Variants in NWD2 observed in about 807,000 individuals in gnomAD.
NWD2 encodes NACHT and WD repeat domain containing 2, also known as NACHT and WD repeat domain-containing protein 2.
Under a neutral mutation model 132.7 loss-of-function variants are expected in NWD2, and 37 were observed. That is an observed-to-expected ratio of 0.28 (90% CI 0.21 to 0.37). NWD2 has a LOEUF of 0.37. Ranked by LOEUF, NWD2 falls within the 10% of genes least tolerant of loss-of-function variation. The probability of loss-of-function intolerance (pLI) is 1.00; values close to 1 mark genes in which losing one functional copy is unlikely to be tolerated. For synonymous variants in NWD2, 705 were observed against 803.0 expected, an observed-to-expected ratio of 0.88 and a Z score of 2.06; for missense variants, 1,592 against 2,122.4, an observed-to-expected ratio of 0.75 and a Z score of 4.91.
intron 3 of NWD2, among the ~76,000 whole-genome samples, chr4:37,358,357 G>A (rs1255651841): frequency 6.6e-6 from 1 of 151,248 alleles, no homozygotes; most frequent in Admixed American, 6.6e-5. Context: ...GTTTGGGGGG[G>A]TTGGGGGAAC....
At chr4:37,331,714 A>C (rs992526139) in intron 2 of NWD2, among the ~76,000 whole-genome samples, 1 of 152,226 alleles carries the variant, frequency 6.6e-6, no homozygotes, top group Non-Finnish European at 1.5e-5. Flanking sequence ...ATAGCATGAG[A>C]ACCAAAAATC....
At chr4:37,283,956 A>G (rs1718177175) in intron 1 of NWD2, among the ~76,000 whole-genome samples, 1 of 152,238 alleles carries the variant, frequency 6.6e-6, no homozygotes, top group Admixed American at 6.5e-5. Flanking sequence ...CAGTTGAAAT[A>G]CTGAAAACAT....
intron 2 of NWD2, among the ~76,000 whole-genome samples, chr4:37,327,752 A>G (rs1719202576): frequency 6.6e-6 from 1 of 152,046 alleles, no homozygotes; most frequent in Non-Finnish European, 1.5e-5. Flanking sequence ...ATCACTCCCT[A>G]AGGATATATT....
chr4:37,268,768 A>G (rs928023678), intron 1 of NWD2, among the ~76,000 whole-genome samples: 5 of 151,732 alleles, frequency 3.3e-5, no homozygotes, highest in Admixed American at 6.6e-5. Flanking sequence ...TGGCAGCTGT[A>G]TATATAATGA....
intron 3 of NWD2, among the ~76,000 whole-genome samples, chr4:37,422,592 A>G (rs76354162): frequency 0.033 from 5,074 of 152,286 alleles, 121 homozygotes; most frequent in Middle Eastern, 0.061. Context: ...ATGTATTAGT[A>G]TGCCATATAT....
intron 3 of NWD2, among the ~76,000 whole-genome samples, chr4:37,358,910 A>G (rs1719922443): frequency 6.6e-6 from 1 of 152,204 alleles, no homozygotes; most frequent in Non-Finnish European, 1.5e-5. Context: ...GAAGAGACTC[A>G]AATATTGGAA....
At chr4:37,342,820 T>A (rs181417935) in intron 2 of NWD2, among the ~76,000 whole-genome samples, 8 of 152,322 alleles carry the variant, frequency 5.3e-5, no homozygotes, top group Admixed American at 4.6e-4. Context: ...AGGCTTTCGA[T>A]GAAGCATCAT....
chr4:37,386,267 TACAC>T (rs35363059), intron 3 of NWD2, among the ~76,000 whole-genome samples: 5 of 150,556 alleles, frequency 3.3e-5, no homozygotes, highest in African/African-American at 7.3e-5. Flanking sequence ...TAAACTACAG[TACAC>T]ACACACACAC....
At chr4:37,385,340 T>C (rs996001998) in intron 3 of NWD2, among the ~76,000 whole-genome samples, 2 of 152,272 alleles carry the variant, frequency 1.3e-5, no homozygotes, top group East Asian at 3.9e-4. Context: ...TAAAAAATCA[T>C]CTTTTCTGTG....
At chr4:37,292,294 G>A (rs1008180033) in intron 1 of NWD2, among the ~76,000 whole-genome samples, 2 of 152,130 alleles carry the variant, frequency 1.3e-5, no homozygotes, top group South Asian at 2.1e-4. Flanking sequence ...GCCTTGAGGG[G>A]ATGATTAAGT....
chr4:37,264,025 A>C (rs1401040782), intron 1 of NWD2, among the ~76,000 whole-genome samples: 1 of 152,152 alleles, frequency 6.6e-6, no homozygotes, highest in Admixed American at 6.6e-5. Context: ...GATTTCTGAG[A>C]GGGACAACAA....
chr4:37,313,772 C>T (rs552172618), intron 1 of NWD2, among the ~76,000 whole-genome samples: 1 of 151,196 alleles, frequency 6.6e-6, no homozygotes, highest in African/African-American at 2.5e-5. Flanking sequence ...GATCTCAGCT[C>T]ACTGCAACCT....
chr4:37,328,536 T>C (rs1719223054), intron 2 of NWD2, among the ~76,000 whole-genome samples: 1 of 152,108 alleles, frequency 6.6e-6, no homozygotes, highest in South Asian at 2.1e-4. Flanking sequence ...AGAATGATGG[T>C]TTCCAGCTTC....
intron 1 of NWD2, among the ~76,000 whole-genome samples, chr4:37,257,768 C>T (rs1339202527): frequency 1.3e-5 from 2 of 152,148 alleles, no homozygotes; most frequent in Non-Finnish European, 2.9e-5. Flanking sequence ...GATTTAATTA[C>T]ATGAATTCAG....
chr4:37,335,069 C>T lies in NWD2; in HGVS notation c.240+9045C>T, dbSNP rs578155598. ...TGGTTCATCCTCCACAATGTTGCTA[C>T]GGTGGTATTTTTAAACACCAATCTG... On this transcript the variant is annotated intron_variant, in intron 2 of 6. Coordinates refer to ENST00000309447, the MANE Select transcript of NWD2 (RefSeq NM_001144990.2). Among the ~76,000 whole-genome samples, 15 of 152,244 alleles carry T rather than the reference C, an allele frequency of 9.9e-5. 1 individual carries two copies. Among genetic ancestry groups the T allele is most frequent in the Admixed American group, 1.3e-4 (2 of 15,300 alleles).
intron 5 of NWD2, among the ~76,000 whole-genome samples, chr4:37,438,580 TG>T (rs1712389020): frequency 6.6e-6 from 1 of 152,202 alleles, no homozygotes; most frequent in South Asian, 2.1e-4. Flanking sequence ...TTCCTAAACT[TG>T]GGGAGAAAAT....
At chr4:37,284,155 A>T (rs1718180644) in intron 1 of NWD2, among the ~76,000 whole-genome samples, 1 of 152,136 alleles carries the variant, frequency 6.6e-6, no homozygotes, top group South Asian at 2.1e-4. Context: ...GGGAAATCAA[A>T]TATCAAGGTG....
intron 3 of NWD2, among the ~76,000 whole-genome samples, chr4:37,387,670 C>CTT (rs34665816): frequency 9.0e-4 from 80 of 88,682 alleles, no homozygotes; most frequent in East Asian, 1.7e-3. Context: ...TTGAAATATT[C>CTT]TTTTTTTTTT....
At chr4:37,395,591 A>AAAAAAAAAC (rs1720772323) in intron 3 of NWD2, among the ~76,000 whole-genome samples, 2 of 143,894 alleles carry the variant, frequency 1.4e-5, no homozygotes, top group African/African-American at 2.7e-5. Context: ...TCTCAAAAAA[A>AAAAAAAAAC]AAAAAAAAAA....
Sources: gnomAD v4.1 joint callset for allele counts (sites outside exome capture counted in the v4.1 genomes callset) on GRCh38, gnomAD v4.1.1 for gene constraint, MANE v1.5 for transcripts, NCBI Gene and HGNC (gene_info 2026-07-23, HGNC 2026-07-21) for gene names.